Variants in C17orf58 observed in about 807,000 individuals in gnomAD.
C17orf58 encodes chromosome 17 open reading frame 58.
In C17orf58, 5 loss-of-function variants were observed where a neutral mutation model predicts 7.4. The observed-to-expected ratio is 0.67, with a 90% CI of 0.35 to 1.42. The LOEUF (loss-of-function observed/expected upper bound fraction) is 1.42, where lower values mean the gene tolerates loss of function less well. C17orf58 is among the 40% of genes most tolerant of loss of function. C17orf58 has a pLI of 0.04. For synonymous variants in C17orf58, 60 were observed against 70.6 expected, an observed-to-expected ratio of 0.85 and a Z score of 0.75; for missense variants, 162 against 174.2, an observed-to-expected ratio of 0.93 and a Z score of 0.40.
At chr17:67,992,228 ATT>A (rs2070840472) in intron 3 of C17orf58, 125 bp from the exon 4 acceptor site, 1 of 853,952 alleles carries the variant, frequency 1.2e-6, no homozygotes, top group African/African-American at 1.7e-5. Flanking sequence ...TGAAACTGAT[ATT>A]GAGTCTACAG....
rs1555699242 is a variant in C17orf58, at chr17:67,991,486, A to T, written c.*427T>A. On this transcript the variant is annotated 3_prime_UTR_variant, in exon 4 of 4. Transcript: ENST00000580729. ...GACTAGTGCGCTTACTGTTATGTAC[A>T]GAATTTAAAATGTGATCGTTTGAAT... is the stretch of plus-strand genomic sequence containing the variant. 6.5e-6 allele frequency: 1 copy of T among 152,706 alleles called. No individual in the cohort carries two copies. Among genetic ancestry groups the T allele is most frequent in the African/African-American group, 2.4e-5 (1 of 41,484 alleles). 9.5% of individuals were successfully genotyped at this position (152,706 alleles called of 1,614,324 possible).
intron 1 of C17orf58, among the ~76,000 whole-genome samples, chr17:67,994,536 A>ATATATATATATATATATATATATATATAT: frequency 1.3e-5 from 1 of 79,732 alleles, no homozygotes; most frequent in Non-Finnish European, 3.1e-5. Flanking sequence ...ATATATATAT[A>ATATATATATATATATATATATATATATAT]AAACATATAT....
rs781983684 is a variant in C17orf58, at chr17:67,992,039, G to C, written c.894C>G (p.Leu298=). 1 of 1,612,236 alleles carries C rather than the reference G, an allele frequency of 6.2e-7. No individual in the cohort carries two copies. The highest frequency in any genetic ancestry group is 8.5e-7 in the Non-Finnish European group (1 of 1,179,264). Residue 298 remains leucine (L), a synonymous_variant, in exon 4 of 4, where the codon CTC becomes CTG. Coordinates refer to ENST00000580729, the MANE Select transcript of C17orf58 (RefSeq NM_001382359.1). The part of the protein sequence containing the change: ...HKRRQLPTAL[L]QVLRGRLRPG... ...GACGGAGGCGGCCTCTCAGGACCTGGAGCAGAGCTGTAGGGAGCTGCCGTC... is the reference window on the plus strand; with the variant it reads ...GACGGAGGCGGCCTCTCAGGACCTGCAGCAGAGCTGTAGGGAGCTGCCGTC...
At chr17:67,992,440 T>TG (rs1453906122) in intron 3 of C17orf58, among the ~76,000 whole-genome samples, 11 of 151,878 alleles carry the variant, frequency 7.2e-5, no homozygotes, top group African/African-American at 2.7e-4. Context: ...TGGTGGCGCA[T>TG]GCCTGTAACC....
intron 1 of C17orf58, among the ~76,000 whole-genome samples, chr17:67,995,166 TCTG>T: frequency 6.6e-6 from 1 of 152,358 alleles, no homozygotes; most frequent in South Asian, 2.1e-4. Flanking sequence ...AAATCGATAA[TCTG>T]CTTTAAAATC....
chr17:67,991,926 G>C lies in C17orf58; in HGVS notation c.1007C>G (p.Thr336Ser). 1 of 1,609,244 alleles carries C rather than the reference G, an allele frequency of 6.2e-7. No individual in the cohort carries two copies. Among genetic ancestry groups the C allele is most frequent in the Non-Finnish European group, 8.5e-7 (1 of 1,177,764 alleles). Residue 336 changes from threonine (T) to serine (S), a missense_variant, in exon 4 of 4, where the codon ACC becomes AGC. Thr to Ser is a moderately conservative substitution (Grantham distance 58). Coordinates refer to ENST00000580729, the MANE Select transcript of C17orf58 (RefSeq NM_001382359.1). Reference protein sequence around the residue: ...REGQIQGAIHTQCI With the variant: ...REGQIQGAIHSQCI ...AGGATGGTTGTTTCAAATGCATTGG[G>C]TATGAATTGCACCTTGAATCTGCCC... is the stretch of plus-strand genomic sequence containing the variant.
In C17orf58 at chr17:67,991,450, A is replaced by G. The variant is rs531228115; in HGVS notation, c.*463T>C. The G allele has an allele frequency of 6.6e-6, 1 of 152,424 alleles. No individual in the cohort carries two copies. The highest frequency in any genetic ancestry group is 2.1e-4 in the South Asian group (1 of 4,828). 9.4% of individuals were successfully genotyped at this position (152,424 alleles called of 1,614,324 possible). A position where few individuals can be genotyped will look rare whatever the true frequency, so the allele number is the denominator to read the frequency against. ...TTGATCTAAATGACATTTCAAACAT[A>G]AATGTCTTTTGACTAGTGCGCTTAC... is the stretch of plus-strand genomic sequence containing the variant. On this transcript the variant is annotated 3_prime_UTR_variant, in exon 4 of 4. Transcript: ENST00000580729.
In C17orf58 at chr17:67,994,581, A is replaced by G. The variant is rs545901233; in HGVS notation, c.77-597T>C. Among the ~76,000 whole-genome samples, 491 of 146,728 alleles carry G rather than the reference A, an allele frequency of 3.3e-3. 3 individuals carry two copies. The highest frequency in any genetic ancestry group is 0.012 in the African/African-American group (475 of 40,264). ...CCTCTTTGCTATTTACAGTTTGTTG[A>G]GAAAGTACCAAGAGCAAACCCCAGG... On this transcript the variant is annotated intron_variant, in intron 1 of 3. Transcript: ENST00000580729.
intron 1 of C17orf58, among the ~76,000 whole-genome samples, chr17:67,994,823 G>A (rs1264977419): frequency 6.6e-6 from 1 of 151,954 alleles, no homozygotes; most frequent in Non-Finnish European, 1.5e-5. Flanking sequence ...GAGGCCCCTG[G>A]TTAAGTATAA....
chr17:67,994,512 G>GTATATATATATATATATATATATA (rs1555699607), intron 1 of C17orf58, among the ~76,000 whole-genome samples: 2 of 85,564 alleles, frequency 2.3e-5, no homozygotes, highest in African/African-American at 3.7e-5. Context: ...GTGTGTGTGT[G>GTATATATATATATATATATATATA]TGTGTATATA....
At chr17:67,992,836 TG>T in intron 3 of C17orf58, 1 of 1,549,014 alleles carries the variant, frequency 6.5e-7, no homozygotes. Flanking sequence ...TGCCAACCCT[TG>T]CTGTTCTCAC....
intron 3 of C17orf58, chr17:67,992,760 C>T (rs1377298708): frequency 8.8e-7 from 1 of 1,138,256 alleles, no homozygotes; most frequent in African/African-American, 1.6e-5. Context: ...TGTACAGTCC[C>T]TTCTGGCAAT....
Position 67,993,408 on chromosome 17 carries a change from C to CAG in C17orf58, c.637+15_637+16insCT. On this transcript the variant is annotated intron_variant, in intron 2 of 3. Coordinates refer to ENST00000580729, the MANE Select transcript of C17orf58 (RefSeq NM_001382359.1). This position sits in a 1 kb window ranked among gnomAD's most constrained non-coding sequence, Gnocchi z 5.1. ...CTCGCGGGGCGGCGGGGCGGCGGCG[C>CAG]GGCGGCCGGGCTCACCGAATTCGCT... 3.5e-6 allele frequency: 2 copies of CAG among 570,034 alleles called. No individual in the cohort carries two copies. The highest frequency in any genetic ancestry group is 3.1e-6 in the Non-Finnish European group (1 of 325,110). 35.3% of individuals were successfully genotyped at this position (570,034 alleles called of 1,614,324 possible).
rs1343190496 is a variant in C17orf58, at chr17:67,991,346, C to T, written c.*567G>A. 8 of 151,490 alleles carry T rather than the reference C, an allele frequency of 5.3e-5. No individual in the cohort carries two copies. Among genetic ancestry groups the T allele is most frequent in the African/African-American group, 1.9e-4 (8 of 41,262 alleles). The allele number at this position is 151,490 out of a possible 1,614,324, so 9.4% of individuals were successfully genotyped here. On this transcript the variant is annotated 3_prime_UTR_variant, in exon 4 of 4. Coordinates refer to ENST00000580729, the MANE Select transcript of C17orf58 (RefSeq NM_001382359.1). ...TTTTTATTTTATTTATTTTTTTAATCCACCCATCTGCACACTGGCCCTTTA... is the reference window on the plus strand; with the variant it reads ...TTTTTATTTTATTTATTTTTTTAATTCACCCATCTGCACACTGGCCCTTTA...
chr17:67,994,952 G>C (rs1232995830), intron 1 of C17orf58, among the ~76,000 whole-genome samples: 1 of 152,122 alleles, frequency 6.6e-6, no homozygotes, highest in Non-Finnish European at 1.5e-5. Context: ...CTGCAGACAG[G>C]TTGGTGAGTA....
Position 67,991,936 on chromosome 17 carries a change from C to T in C17orf58, c.997G>A (p.Ala333Thr), listed in dbSNP as rs2070835709. ...NRKREGQIQG[A>T]IHTQCI ...TTTCAAATGCATTGGGTATGAATTGCACCTTGAATCTGCCCTTCCCTTTTT... is the reference window on the plus strand; with the variant it reads ...TTTCAAATGCATTGGGTATGAATTGTACCTTGAATCTGCCCTTCCCTTTTT... The change falls in exon 4 of 4, where the codon GCA becomes ACA. Residue 333 changes from alanine (A) to threonine (T), a missense_variant. Coordinates refer to ENST00000580729, the MANE Select transcript of C17orf58 (RefSeq NM_001382359.1). The T allele has an allele frequency of 1.2e-6, 2 of 1,611,760 alleles. No individual in the cohort carries two copies. Among genetic ancestry groups the T allele is most frequent in the South Asian group, 1.1e-5 (1 of 90,328 alleles).
At chr17:67,994,479 T>C (rs146316307) in intron 1 of C17orf58, among the ~76,000 whole-genome samples, 1 of 131,626 alleles carries the variant, frequency 7.6e-6, no homozygotes, top group Non-Finnish European at 1.6e-5. Flanking sequence ...TATATGTGTG[T>C]ATGTGTGCGT....
Position 67,993,119 on chromosome 17 carries a change from C to T in C17orf58, c.754G>A (p.Gly252Ser). Reference sequence around the variant, plus strand: ...AACATGTGGACTCGGAAGAAGAAGCCGTCGGGGGTGAGGTACAGGCGGTTC... The same window carrying T: ...AACATGTGGACTCGGAAGAAGAAGCTGTCGGGGGTGAGGTACAGGCGGTTC... ...KMNRLYLTPD[G>S]FFFRVHMLAL... Residue 252 changes from glycine to serine, a missense_variant, in exon 3 of 4, where the codon GGC becomes AGC. Gly to Ser is a moderately conservative substitution (Grantham distance 56). Around this residue, in one of 3 missense-constraint regions of C17orf58, gnomAD observed 93 missense variants for 90.4 expected, o/e 1.03. Transcript: ENST00000580729. This position sits in a 1 kb window ranked among gnomAD's most constrained non-coding sequence, Gnocchi z 5.1. The T allele has an allele frequency of 6.2e-7, 1 of 1,614,078 alleles. No homozygotes were observed. The highest frequency in any genetic ancestry group is 2.2e-5 in the East Asian group (1 of 44,884).
Position 67,993,228 on chromosome 17 carries a change from G to A in C17orf58, c.645C>T (p.Asn215=). Residue 215 remains asparagine (N), a synonymous_variant, in exon 3 of 4, where the codon AAC becomes AAT. Transcript: ENST00000580729. This position sits in a 1 kb window ranked among gnomAD's most constrained non-coding sequence, Gnocchi z 5.1. The stretch of plus-strand genomic sequence containing the variant: ...GCACGTCCACATCGTGCACGATCCC[G>A]TTCACCGCTGCTTCCGAAAAACAGT... ...EAFCESEFAV[N]GIVHDVDVLG... 4 of 1,558,834 alleles carry A rather than the reference G, an allele frequency of 2.6e-6. No individual in the cohort carries two copies. Among genetic ancestry groups the A allele is most frequent in the Non-Finnish European group, 3.5e-6 (4 of 1,141,108 alleles).
Sources: gnomAD v4.1 joint callset for allele counts (sites outside exome capture counted in the v4.1 genomes callset) on GRCh38, gnomAD v4.1.1 for gene constraint, gnomAD v4.1.1 regional missense constraint, Gnocchi (gnomAD v3.1) non-coding constraint, MANE v1.5 for transcripts, NCBI Gene and HGNC (gene_info 2026-07-23, HGNC 2026-07-21) for gene names.